Variants in KCNH1 observed in about 807,000 individuals in gnomAD.
The protein encoded by KCNH1 is voltage-gated delayed rectifier potassium channel KCNH1.
KCNH1 carries 27 observed loss-of-function variants against 69.2 expected under a neutral mutation model. That is an observed-to-expected ratio of 0.39 (90% CI 0.29 to 0.54). The LOEUF is 0.54. Ranked by LOEUF, KCNH1 falls within the 20% of genes least tolerant of loss-of-function variation. The probability of loss-of-function intolerance (pLI) is 0.68; values close to 1 mark genes in which losing one functional copy is unlikely to be tolerated. For missense variants in KCNH1, 798 were observed against 1,261.6 expected, an observed-to-expected ratio of 0.63 and a Z score of 5.57; for synonymous variants, 456 against 487.7, an observed-to-expected ratio of 0.93 and a Z score of 0.86.
intron 4 of KCNH1, among the ~76,000 whole-genome samples, chr1:211,084,969 T>C (rs1690927000): frequency 6.6e-6 from 1 of 152,010 alleles, no homozygotes. Flanking sequence ...AATCATGACA[T>C]AGTGAGCTAA....
rs765170558 is a variant in KCNH1 at position 211,035,236 on chromosome 1, C to CTT, written c.559-15982_559-15981dup. The stretch of plus-strand genomic sequence containing the variant: ...ATTTAAACCATAGGGTACTGGCATT[C>CTT]TTTTTTTTTTTTTTTTTTTTTTTTT... On this transcript the variant is annotated intron_variant, in intron 5 of 10. Transcript: ENST00000271751. Among the ~76,000 whole-genome samples the CTT allele has an allele frequency of 5.2e-3, 389 of 75,046 alleles. 49 individuals are homozygous for CTT. Among genetic ancestry groups the CTT allele is most frequent in the African/African-American group, 0.016 (284 of 17,668 alleles). 49.2% of individuals were successfully genotyped at this position (75,046 alleles called of 152,430 possible).
intron 6 of KCNH1, among the ~76,000 whole-genome samples, chr1:210,922,376 T>A (rs1182773214): frequency 1.1e-5 from 1 of 91,868 alleles, no homozygotes; most frequent in African/African-American, 4.3e-5. Context: ...AGAGCGAGAC[T>A]CCGTCTCAAA....
intron 6 of KCNH1, among the ~76,000 whole-genome samples, chr1:210,946,595 G>A (rs1184965627): frequency 1.3e-5 from 2 of 152,038 alleles, no homozygotes; most frequent in African/African-American, 2.4e-5. Flanking sequence ...AATAAACAAG[G>A]GAAAAACATG....
At chr1:210,816,694 T>C (rs1170619397) in intron 7 of KCNH1, among the ~76,000 whole-genome samples, 2 of 152,178 alleles carry the variant, frequency 1.3e-5, no homozygotes, top group Non-Finnish European at 2.9e-5. Flanking sequence ...ATATGAGTCA[T>C]CAAGAGGAAT....
At chr1:210,905,440 A>G (rs936411136) in intron 7 of KCNH1, among the ~76,000 whole-genome samples, 1 of 152,154 alleles carries the variant, frequency 6.6e-6, no homozygotes, top group African/African-American at 2.4e-5. Flanking sequence ...ACTTGGGGTT[A>G]AATCTCCTCC....
intron 7 of KCNH1, among the ~76,000 whole-genome samples, chr1:210,818,804 C>T (rs1163162304): frequency 6.6e-6 from 1 of 152,188 alleles, no homozygotes; most frequent in African/African-American, 2.4e-5. Flanking sequence ...ACGACAATGA[C>T]TATTGTTCTC....
intron 4 of KCNH1, among the ~76,000 whole-genome samples, chr1:211,084,666 A>G (rs1690921050): frequency 6.6e-6 from 1 of 152,210 alleles, no homozygotes; most frequent in Non-Finnish European, 1.5e-5. Flanking sequence ...GAAATGGATG[A>G]ACAGTGTGAA....
intron 10 of KCNH1, among the ~76,000 whole-genome samples, chr1:210,709,370 G>A (rs1015668119): frequency 6.6e-6 from 1 of 152,334 alleles, no homozygotes; most frequent in Non-Finnish European, 1.5e-5. Flanking sequence ...AAACCAGCAG[G>A]AGGTGGGAGA....
chr1:210,843,835 T>C (rs1446715782), intron 7 of KCNH1, among the ~76,000 whole-genome samples: 1 of 152,238 alleles, frequency 6.6e-6, no homozygotes, highest in Non-Finnish European at 1.5e-5. Context: ...AGAAGATGAC[T>C]TGTCTTTATC....
Position 210,919,558 on chromosome 1 carries a change from A to G in KCNH1, c.1462+82T>C. ...CTTGTTTTAAGTTATTATTCTCCTG[A>G]TCCTGCTGGCACTGTAGCCATTTCC... On this transcript the variant is annotated intron_variant, in intron 7 of 10. Transcript: ENST00000271751. The surrounding 1 kb of genome is among the most constrained non-coding windows in gnomAD (Gnocchi z 4.2). 8.0e-7 allele frequency: 1 copy of G among 1,244,556 alleles called. No homozygotes were observed. Among genetic ancestry groups the G allele is most frequent in the Non-Finnish European group, 1.1e-6 (1 of 873,780 alleles). The allele number at this position is 1,244,556 out of a possible 1,614,324, so 77.1% of individuals were successfully genotyped here. A position where few individuals can be genotyped will look rare whatever the true frequency, so the allele number is the denominator to read the frequency against.
Position 211,070,424 on chromosome 1 carries a change from A to AC in KCNH1, c.558+12355_558+12356insG, listed in dbSNP as rs1232138926. Among the ~76,000 whole-genome samples, 248 of 110,160 alleles carry AC rather than the reference A, an allele frequency of 2.3e-3. 9 individuals carry two copies. Among genetic ancestry groups the AC allele is most frequent in the East Asian group, 0.011 (48 of 4,426 alleles). 72.3% of individuals were successfully genotyped at this position (110,160 alleles called of 152,430 possible). On this transcript the variant is annotated intron_variant, in intron 5 of 10. Coordinates refer to ENST00000271751, the MANE Select transcript of KCNH1 (RefSeq NM_172362.3). ...CAGAGCGAGACTCCACCTTTAAAAA[A>AC]AAAAAAACACACACACACACACACA...
In KCNH1 at chr1:210,921,781, T is replaced by C. The variant is rs562355100; in HGVS notation, c.1033-1712A>G. ...AGGCCTCGCATTGAAGGTGGACCCA[T>C]AGCATGAAAAGAGCCTGGGTCCCGG... On this transcript the variant is annotated intron_variant, in intron 6 of 10. Transcript: ENST00000271751. Among the ~76,000 whole-genome samples the C allele has an allele frequency of 6.6e-5, 10 of 152,266 alleles. No individual in the cohort carries two copies. The East Asian group carries it at 1.5e-3, about 24-fold the overall frequency.
chr1:210,998,261 A>C (rs1198577739), intron 6 of KCNH1, among the ~76,000 whole-genome samples: 2 of 152,352 alleles, frequency 1.3e-5, no homozygotes, highest in East Asian at 3.9e-4. Context: ...TGTATTCAGG[A>C]AACACATCTC....
At position 210,899,515 on chromosome 1, in the gene KCNH1, T is replaced by C. The variant is rs185738033; in HGVS notation, c.1462+20125A>G. On this transcript the variant is annotated intron_variant, in intron 7 of 10. Coordinates refer to ENST00000271751, the MANE Select transcript of KCNH1 (RefSeq NM_172362.3). ...GATATATATATATATATTTTTATCATTATCTCATACAAACAAAAGCTCTTT... is the reference window on the plus strand; with the variant it reads ...GATATATATATATATATTTTTATCACTATCTCATACAAACAAAAGCTCTTT... 3.8e-3 allele frequency among the ~76,000 whole-genome samples: 575 copies of C among 152,144 alleles called. 5 individuals carry two copies. Among genetic ancestry groups the C allele is most frequent in the African/African-American group, 0.011 (465 of 41,530 alleles).
chr1:210,762,986 G>A (rs1683552666), intron 10 of KCNH1, among the ~76,000 whole-genome samples: 1 of 151,982 alleles, frequency 6.6e-6, no homozygotes, highest in South Asian at 2.1e-4. Flanking sequence ...AAAATACTAG[G>A]AAACTAAATC....
chr1:210,709,245 T>A (rs796243478), intron 10 of KCNH1, among the ~76,000 whole-genome samples: 39 of 152,308 alleles, frequency 2.6e-4, no homozygotes, highest in African/African-American at 9.1e-4. Context: ...CCAGACCCTG[T>A]CTCAAAGGTG....
At chr1:210,827,064 G>A (rs563454062) in intron 7 of KCNH1, among the ~76,000 whole-genome samples, 94 of 152,350 alleles carry the variant, frequency 6.2e-4, no homozygotes, top group African/African-American at 2.2e-3. Context: ...GTGGCCAAGC[G>A]CAGTGGCTCA....
chr1:210,924,472 C>T (rs776836175), intron 6 of KCNH1, among the ~76,000 whole-genome samples: 5 of 152,110 alleles, frequency 3.3e-5, no homozygotes, highest in Non-Finnish European at 7.3e-5. Context: ...TGTGTAAGTT[C>T]TCTTTGAATG....
At chr1:210,978,688 T>A (rs1435561121) in intron 6 of KCNH1, among the ~76,000 whole-genome samples, 1 of 152,208 alleles carries the variant, frequency 6.6e-6, no homozygotes, top group Non-Finnish European at 1.5e-5. Context: ...TGTTAACTAT[T>A]ATTACGCTTG....
Sources: allele counts gnomAD v4.1 joint callset (sites outside exome capture counted in the v4.1 genomes callset), GRCh38; gene constraint gnomAD v4.1.1; non-coding constraint Gnocchi (gnomAD v3.1); transcripts MANE v1.5; gene names NCBI Gene and HGNC (gene_info 2026-07-23, HGNC 2026-07-21).